The following MSRA variants were observed in gnomAD, a reference collection of about 807,000 sequenced individuals.
The protein encoded by MSRA is methionine sulfoxide reductase A, also known as mitochondrial peptide methionine sulfoxide reductase.
A neutral mutation model predicts 31.3 loss-of-function variants in MSRA; 54 were observed. The ratio of observed to expected loss-of-function variants is 1.73; its 90% CI spans 1.39 to 2.17. The LOEUF is 2.17. MSRA is among the 30% of genes most tolerant of loss of function. The pLI is 0.00. For missense variants in MSRA, 507 were observed against 300.9 expected, an observed-to-expected ratio of 1.69 and a Z score of -5.07; for synonymous variants, 169 against 116.5, an observed-to-expected ratio of 1.45 and a Z score of -2.90.
At chr8:10,397,627 C>G (rs970223419) in intron 5 of MSRA, among the ~76,000 whole-genome samples, 2 of 152,204 alleles carry the variant, frequency 1.3e-5, no homozygotes, top group African/African-American at 4.8e-5. Flanking sequence ...TGGCACCTAA[C>G]AGGTGATGTC....
chr8:10,302,270 TATC>T (rs1475174376), intron 4 of MSRA, among the ~76,000 whole-genome samples: 1 of 152,266 alleles, frequency 6.6e-6, no homozygotes, highest in Admixed American at 6.5e-5. Context: ...TGTTGGCAAA[TATC>T]ATTGTAATAT....
At chr8:10,149,960 G>C (rs1803520649) in intron 1 of MSRA, among the ~76,000 whole-genome samples, 1 of 127,034 alleles carries the variant, frequency 7.9e-6, no homozygotes, top group African/African-American at 3.0e-5. Flanking sequence ...TTGCTGGTAA[G>C]TGCTGTTTTT....
intron 1 of MSRA, among the ~76,000 whole-genome samples, chr8:10,068,838 A>G (rs905324922): frequency 6.6e-6 from 1 of 152,286 alleles, no homozygotes; most frequent in Non-Finnish European, 1.5e-5. Context: ...TTTGATTGCA[A>G]TGATAGGGTT....
At chr8:10,302,981 T>G (rs1228684608) in intron 4 of MSRA, among the ~76,000 whole-genome samples, 1 of 152,226 alleles carries the variant, frequency 6.6e-6, no homozygotes, top group Non-Finnish European at 1.5e-5. Flanking sequence ...TGCAGGAAGC[T>G]CTGCAGTGAG....
chr8:10,091,359 G>T lies in MSRA; in HGVS notation c.142+36701G>T, dbSNP rs1337948889. On this transcript the variant is annotated intron_variant, in intron 1 of 5. Coordinates refer to ENST00000317173, the MANE Select transcript of MSRA (RefSeq NM_012331.5). ...AATAGCTAAATCAAGCTAATTATGT[G>T]CATTGCCTCACATATTATTTTTTGT... Among the ~76,000 whole-genome samples the T allele has an allele frequency of 2.0e-5, 3 of 152,236 alleles. No individual in the cohort carries two copies. The East Asian group carries it at 5.8e-4, about 29-fold the overall frequency.
At chr8:10,410,385 C>A (rs1295511271) in intron 5 of MSRA, among the ~76,000 whole-genome samples, 2 of 152,168 alleles carry the variant, frequency 1.3e-5, no homozygotes, top group Non-Finnish European at 2.9e-5. Flanking sequence ...AGGCCCTTGA[C>A]GCTCCTACTT....
At chr8:10,056,115 C>A (rs535474933) in intron 1 of MSRA, among the ~76,000 whole-genome samples, 2 of 141,762 alleles carry the variant, frequency 1.4e-5, no homozygotes, top group African/African-American at 5.3e-5. Flanking sequence ...AAAGGCGATA[C>A]TTTTCAAATG....
intron 1 of MSRA, among the ~76,000 whole-genome samples, chr8:10,075,597 C>G (rs1448573772): frequency 6.6e-6 from 1 of 152,070 alleles, no homozygotes; most frequent in Admixed American, 6.5e-5. Flanking sequence ...AAGAAAATAT[C>G]CTAAAGAGAT....
At chr8:10,184,115 G>A (rs1400657879) in intron 1 of MSRA, among the ~76,000 whole-genome samples, 2 of 151,924 alleles carry the variant, frequency 1.3e-5, no homozygotes, top group Non-Finnish European at 2.9e-5. Flanking sequence ...GGTCTTGGTG[G>A]TGGTGCTGTT....
At chr8:10,321,826 G>C (rs1443045041) in intron 5 of MSRA, among the ~76,000 whole-genome samples, 1 of 152,166 alleles carries the variant, frequency 6.6e-6, no homozygotes, top group Non-Finnish European at 1.5e-5. Flanking sequence ...CAAGCCTTCA[G>C]ATGAGACTGC....
intron 1 of MSRA, among the ~76,000 whole-genome samples, chr8:10,156,252 C>T (rs150838557): frequency 2.2e-3 from 338 of 152,232 alleles, no homozygotes; most frequent in Middle Eastern, 0.017. Flanking sequence ...TTGAGACAAT[C>T]GGGGAAATGT....
intron 5 of MSRA, among the ~76,000 whole-genome samples, chr8:10,389,538 A>T (rs557007293): frequency 6.6e-6 from 1 of 152,232 alleles, no homozygotes; most frequent in Admixed American, 6.5e-5. Context: ...TTAACAAAAA[A>T]TGAGGCAGGG....
intron 1 of MSRA, among the ~76,000 whole-genome samples, chr8:10,094,765 T>C (rs1213666391): frequency 6.6e-6 from 1 of 152,154 alleles, no homozygotes; most frequent in African/African-American, 2.4e-5. Context: ...ATGTTAAAAA[T>C]AAAAGCAAAC....
chr8:10,368,744 T>C (rs979927919), intron 5 of MSRA, among the ~76,000 whole-genome samples: 13 of 152,240 alleles, frequency 8.5e-5, no homozygotes, highest in African/African-American at 2.9e-4. Context: ...GGGAACCACA[T>C]AGGGACAGAG....
At chr8:10,071,458 C>CTTTTTTTTTTTTTTTTT (rs77512999) in intron 1 of MSRA, among the ~76,000 whole-genome samples, 2 of 129,272 alleles carry the variant, frequency 1.5e-5, no homozygotes, top group Non-Finnish European at 3.3e-5. Context: ...TTTTAATTTT[C>CTTTTTTTTTTTTTTTTT]TTTTTTTTTT....
chr8:10,236,569 G>A (rs1398591173), intron 2 of MSRA, among the ~76,000 whole-genome samples: 1 of 152,142 alleles, frequency 6.6e-6, no homozygotes, highest in African/African-American at 2.4e-5. Context: ...TCTTGCGATG[G>A]AGTCTCACTC....
At chr8:10,070,837 T>C (rs1797697755) in intron 1 of MSRA, among the ~76,000 whole-genome samples, 1 of 152,264 alleles carries the variant, frequency 6.6e-6, no homozygotes, top group Non-Finnish European at 1.5e-5. Flanking sequence ...CAGTGCTTTG[T>C]TCTTTTTCAT....
chr8:10,237,316 C>T (rs992158901), intron 2 of MSRA, among the ~76,000 whole-genome samples: 2 of 152,184 alleles, frequency 1.3e-5, no homozygotes, highest in Non-Finnish European at 1.5e-5. Flanking sequence ...GGCTACTGTC[C>T]GGGGAAAATC....
chr8:10,392,110 C>G (rs918320231), intron 5 of MSRA, among the ~76,000 whole-genome samples: 1 of 152,190 alleles, frequency 6.6e-6, no homozygotes, highest in African/African-American at 2.4e-5. Context: ...TCATCTCTGA[C>G]AAGAGAAGGG....
Sources: gnomAD v4.1 joint callset for allele counts (sites outside exome capture counted in the v4.1 genomes callset) on GRCh38, gnomAD v4.1.1 for gene constraint, MANE v1.5 for transcripts, NCBI Gene and HGNC (gene_info 2026-07-23, HGNC 2026-07-21) for gene names.